Variants in TOM1L1 observed in about 807,000 individuals in gnomAD.
TOM1L1 encodes target of myb1 like 1 membrane trafficking protein, also known as TOM1-like protein 1.
Under a neutral mutation model 63.4 loss-of-function variants are expected in TOM1L1, and 64 were observed. That is an observed-to-expected ratio of 1.01 (90% CI 0.83 to 1.24). The LOEUF is 1.24. Among genes scored for constraint, TOM1L1 ranks in the 50% most tolerant of loss-of-function variants. TOM1L1 has a pLI of 0.00. For missense variants in TOM1L1, 536 were observed against 567.0 expected, an observed-to-expected ratio of 0.95 and a Z score of 0.55; for synonymous variants, 166 against 194.4, an observed-to-expected ratio of 0.85 and a Z score of 1.22.
intron 11 of TOM1L1, among the ~76,000 whole-genome samples, chr17:54,941,007 C>A (rs1246569103): frequency 1.3e-5 from 2 of 152,140 alleles, no homozygotes; most frequent in Non-Finnish European, 2.9e-5. Context: ...TTCATTCCCT[C>A]TTCATCCTCC....
chr17:54,912,451 A>T (rs1401305719), intron 3 of TOM1L1, among the ~76,000 whole-genome samples: 1 of 151,942 alleles, frequency 6.6e-6, no homozygotes, highest in African/African-American at 2.4e-5. Context: ...ATGTGCTGGG[A>T]CTCCTCAATA....
At chr17:54,950,212 C>A in intron 14 of TOM1L1, 86 bp downstream of exon 14, 1 of 1,040,192 alleles carries the variant, frequency 9.6e-7, no homozygotes, top group Non-Finnish European at 1.4e-6. Context: ...ATACATTTAA[C>A]TTTGTTTAGG....
In TOM1L1 at chr17:54,948,004, C is replaced by T. The variant is rs538581380; in HGVS notation, c.1182+692C>T. The stretch of plus-strand genomic sequence containing the variant: ...TGCCCTTCCTGCAGACTTGCCACCT[C>T]AGTCAATGGCCACTCTGCTCTTTGC... On this transcript the variant is annotated intron_variant, in intron 12 of 15. Transcript: ENST00000575882. 2.0e-5 allele frequency among the ~76,000 whole-genome samples: 3 copies of T among 152,338 alleles called. No individual in the cohort carries two copies. The East Asian group carries it at 5.8e-4, about 29-fold the overall frequency.
Position 54,930,014 on chromosome 17 carries a change from G to C in TOM1L1, c.721-59G>C. ...TAGGTATGCGCAGATTGGTGAGTCAGATGTCTTTATAGAATGTTCCAAGTG... is the reference window on the plus strand; with the variant it reads ...TAGGTATGCGCAGATTGGTGAGTCACATGTCTTTATAGAATGTTCCAAGTG... On this transcript the variant is annotated intron_variant, in intron 7 of 15. Coordinates refer to ENST00000575882, the MANE Select transcript of TOM1L1 (RefSeq NM_005486.3). 3 of 1,608,116 alleles carry C rather than the reference G, an allele frequency of 1.9e-6. No homozygotes were observed. In the East Asian group the frequency reaches 6.7e-5, roughly 36 times the overall value.
At chr17:54,928,375 A>C (rs2048802909) in intron 7 of TOM1L1, among the ~76,000 whole-genome samples, 1 of 151,512 alleles carries the variant, frequency 6.6e-6, no homozygotes, top group Admixed American at 6.6e-5. Context: ...ACCAAAAAAA[A>C]ACAAAACAAC....
chr17:54,917,160 G>A (rs1010306661), intron 7 of TOM1L1: 1 of 152,154 alleles, frequency 6.6e-6, no homozygotes, highest in Non-Finnish European at 1.5e-5. Flanking sequence ...CTTAGTAGAT[G>A]ATAGGCTTTT....
chr17:54,906,776 C>T (rs2048418087), intron 3 of TOM1L1: 1 of 985,390 alleles, frequency 1.0e-6, no homozygotes, highest in Non-Finnish European at 1.2e-6. Context: ...ATGACCTCTT[C>T]AGTCACGTTG....
chr17:54,907,158 T>C (rs2048425451), intron 3 of TOM1L1, among the ~76,000 whole-genome samples: 1 of 151,356 alleles, frequency 6.6e-6, no homozygotes, highest in Admixed American at 6.6e-5. Context: ...TTCACCTTTT[T>C]TTTTTTTTTT....
At chr17:54,928,258 C>T (rs911169342) in intron 7 of TOM1L1, among the ~76,000 whole-genome samples, 12 of 152,002 alleles carry the variant, frequency 7.9e-5, no homozygotes, top group Non-Finnish European at 1.5e-4. Context: ...TATTTACTAC[C>T]GACTACCTCT....
intron 15 of TOM1L1, chr17:54,961,022 C>T: frequency 1.7e-6 from 1 of 581,364 alleles, no homozygotes; most frequent in South Asian, 2.1e-5. Context: ...TTCAGCACTA[C>T]TAATCCCATG....
At chr17:54,924,360 A>C (rs1598023845) in intron 7 of TOM1L1, among the ~76,000 whole-genome samples, 1 of 147,046 alleles carries the variant, frequency 6.8e-6, no homozygotes, top group African/African-American at 2.5e-5. Flanking sequence ...GCTCACTGCA[A>C]CCTCCGCCTC....
rs372851351 is a variant in TOM1L1, at chr17:54,919,818, TA to T, written c.720+3959del. ...TGACAAATAATTTTTTTTTTACATC[TA>T]AATAACTCCACTATGGTTGATCTGA... is the stretch of plus-strand genomic sequence containing the variant. On this transcript the variant is annotated intron_variant, in intron 7 of 15. Coordinates refer to ENST00000575882, the MANE Select transcript of TOM1L1 (RefSeq NM_005486.3). 9.9e-3 allele frequency among the ~76,000 whole-genome samples: 1,505 copies of T among 152,134 alleles called. 22 individuals are homozygous for T. The highest frequency in any genetic ancestry group is 0.034 in the African/African-American group (1,406 of 41,538).
At chr17:54,915,989 A>G in intron 7 of TOM1L1, 127 bp downstream of exon 7, 1 of 570,406 alleles carries the variant, frequency 1.8e-6, no homozygotes, top group Non-Finnish European at 3.0e-6. Flanking sequence ...ATTTCAGTTG[A>G]TTTCTAAACT....
intron 14 of TOM1L1, among the ~76,000 whole-genome samples, chr17:54,951,042 C>A (rs1248311552): frequency 2.0e-5 from 3 of 152,088 alleles, no homozygotes; most frequent in African/African-American, 7.2e-5. Flanking sequence ...GAGCTCAGTC[C>A]CCACCACCCC....
At chr17:54,933,432 T>C (rs1228709408) in intron 8 of TOM1L1, among the ~76,000 whole-genome samples, 2 of 152,212 alleles carry the variant, frequency 1.3e-5, no homozygotes, top group Admixed American at 6.5e-5. Flanking sequence ...TTTAGAAAGT[T>C]AGTTTTGCCA....
rs550341712 is a variant in TOM1L1 at position 54,941,963 on chromosome 17, T to C, written c.1130+2943T>C. On this transcript the variant is annotated intron_variant, in intron 11 of 15. Coordinates refer to ENST00000575882, the MANE Select transcript of TOM1L1 (RefSeq NM_005486.3). The stretch of plus-strand genomic sequence containing the variant: ...AGGCAAAATCAGCCATTAAAATGTC[T>C]TATAATGTTGAGATTTTTTCCATCC... 1.6e-4 allele frequency among the ~76,000 whole-genome samples: 25 copies of C among 152,348 alleles called. No homozygotes were observed. The East Asian group carries it at 4.8e-3, about 29-fold the overall frequency.
chr17:54,931,949 G>GTT (rs10632110), intron 8 of TOM1L1, among the ~76,000 whole-genome samples: 2,828 of 121,310 alleles, frequency 0.023, 118 homozygotes, highest in African/African-American at 0.086. Context: ...TTTTTTCTTC[G>GTT]TTTTTTTTTT....
chr17:54,949,716 A>G (rs1401899788), intron 13 of TOM1L1, 93 bp downstream of exon 13: 7 of 1,042,688 alleles, frequency 6.7e-6, no homozygotes, highest in Non-Finnish European at 1.5e-6. Context: ...AATAGGAGAA[A>G]TTAGAGATGC....
intron 7 of TOM1L1, among the ~76,000 whole-genome samples, chr17:54,919,802 A>AT (rs34885580): frequency 0.011 from 1,667 of 150,580 alleles, 26 homozygotes; most frequent in African/African-American, 0.036. Flanking sequence ...TTGACAAATA[A>AT]TTTTTTTTTT....
Sources: gnomAD v4.1 joint callset for allele counts (sites outside exome capture counted in the v4.1 genomes callset) on GRCh38, gnomAD v4.1.1 for gene constraint, MANE v1.5 for transcripts, NCBI Gene and HGNC (gene_info 2026-07-23, HGNC 2026-07-21) for gene names.